UNC13C: variants seen among roughly 807,000 people sequenced by gnomAD.
UNC13C encodes protein unc-13 homolog C.
Under a neutral mutation model 245.4 loss-of-function variants are expected in UNC13C, and 174 were observed. The observed-to-expected ratio is 0.71, with a 90% CI of 0.63 to 0.80. The LOEUF (loss-of-function observed/expected upper bound fraction) is 0.80. Ranked by LOEUF, UNC13C falls within the 30% of genes least tolerant of loss-of-function variation. The pLI is 0.00. For synonymous variants in UNC13C, 992 were observed against 895.1 expected (o/e 1.11, Z -1.93); for missense variants, 2,829 against 2,602.9 (o/e 1.09, Z -1.89).
intron 10 of UNC13C, among the ~76,000 whole-genome samples, chr15:54,287,266 T>G (rs1419319217): frequency 6.6e-6 from 1 of 152,170 alleles, no homozygotes; most frequent in Non-Finnish European, 1.5e-5. Flanking sequence ...CCAGCTAAAA[T>G]GCAAACCTGT....
chr15:54,050,978 C>G, intron 2 of UNC13C: 3 of 494,422 alleles, frequency 6.1e-6, no homozygotes, highest in East Asian at 5.5e-5. Context: ...TACCAGTTAC[C>G]AAGAAGCCTC....
At chr15:54,022,154 C>T (rs997225264) in intron 2 of UNC13C, among the ~76,000 whole-genome samples, 2 of 152,118 alleles carry the variant, frequency 1.3e-5, no homozygotes, top group South Asian at 2.1e-4. Context: ...TTGAAGGAAC[C>T]TCCATAGTAT....
At chr15:54,187,752 T>A (rs1188735358) in intron 4 of UNC13C, among the ~76,000 whole-genome samples, 2 of 152,154 alleles carry the variant, frequency 1.3e-5, no homozygotes, top group Admixed American at 1.3e-4. Flanking sequence ...ATTAATAATG[T>A]CTTATCTGTT....
At chr15:53,996,302 C>T (rs777394250) in intron 1 of UNC13C, among the ~76,000 whole-genome samples, 25 of 152,174 alleles carry the variant, frequency 1.6e-4, no homozygotes, top group Non-Finnish European at 3.1e-4. Context: ...ATCAAGAAGA[C>T]GTTTCTGTAT....
At chr15:54,603,674 C>A (rs187586750) in intron 30 of UNC13C, among the ~76,000 whole-genome samples, 59 of 152,142 alleles carry the variant, frequency 3.9e-4, no homozygotes, top group African/African-American at 1.4e-3. Flanking sequence ...CTATCCTGGG[C>A]AACATGGTGA....
chr15:54,458,968 A>C (rs1003668406), intron 19 of UNC13C, among the ~76,000 whole-genome samples: 4 of 151,038 alleles, frequency 2.6e-5, no homozygotes, highest in Non-Finnish European at 5.9e-5. Context: ...TCTTTTTTTC[A>C]TTGTGTTATT....
chr15:54,606,605 G>A (rs765141575), intron 30 of UNC13C, among the ~76,000 whole-genome samples: 5 of 152,202 alleles, frequency 3.3e-5, no homozygotes, highest in Non-Finnish European at 7.3e-5. Context: ...TTTGCGTGCG[G>A]TGAACTAAGT....
chr15:54,126,907 A>G (rs1396079783), intron 2 of UNC13C, among the ~76,000 whole-genome samples: 2 of 152,230 alleles, frequency 1.3e-5, no homozygotes, highest in Non-Finnish European at 2.9e-5. Flanking sequence ...ATATGAACAG[A>G]CACTTCTCAA....
intron 28 of UNC13C, 115 bp downstream of exon 28, chr15:54,549,806 T>TCG (rs77251387): frequency 3.1e-6 from 2 of 639,026 alleles, no homozygotes; most frequent in Non-Finnish European, 5.2e-6. Flanking sequence ...AAGATGTGTG[T>TCG]GTGATTTCAC....
At chr15:54,454,748 T>C (rs1160090966) in intron 19 of UNC13C, among the ~76,000 whole-genome samples, 1 of 152,118 alleles carries the variant, frequency 6.6e-6, no homozygotes, top group Non-Finnish European at 1.5e-5. Flanking sequence ...GTTTTCAAGT[T>C]TCATCCACAG....
the UNC13C span, among the ~76,000 whole-genome samples, chr15:53,842,325 A>T: frequency 1.3e-5 from 2 of 152,220 alleles, no homozygotes; most frequent in Non-Finnish European, 2.9e-5. Context: ...TTACAGATAT[A>T]AAGTATCATT....
chr15:54,064,565 G>A (rs576459173), intron 2 of UNC13C, among the ~76,000 whole-genome samples: 4 of 152,300 alleles, frequency 2.6e-5, no homozygotes, highest in South Asian at 4.1e-4. Flanking sequence ...TGCTGCTAAC[G>A]TGAACCAGAA....
chr15:54,220,577 C>A (rs1310133950), intron 4 of UNC13C, among the ~76,000 whole-genome samples: 6 of 149,830 alleles, frequency 4.0e-5, no homozygotes, highest in Non-Finnish European at 8.9e-5. Flanking sequence ...GTACATGTAC[C>A]CTAAAACTTA....
At chr15:54,220,701 TTGTAAA>T (rs957892023) in intron 4 of UNC13C, among the ~76,000 whole-genome samples, 4 of 152,022 alleles carry the variant, frequency 2.6e-5, no homozygotes, top group African/African-American at 9.7e-5. Context: ...GCCTGCACAC[TTGTAAA>T]TGTAGTTAAA....
chr15:54,152,197 C>T (rs1017499874), intron 4 of UNC13C, among the ~76,000 whole-genome samples: 1 of 152,068 alleles, frequency 6.6e-6, no homozygotes, highest in Non-Finnish European at 1.5e-5. Flanking sequence ...TTTTCTCACT[C>T]CAGGGTCTAA....
In UNC13C at chr15:54,628,220, A is replaced by AAAC. The variant is rs1254278930; in HGVS notation, c.*1109_*1111dup. On this transcript the variant is annotated 3_prime_UTR_variant, in exon 33 of 33. Transcript: ENST00000260323. ...ATAGCTAAGTTGGTTTTTGAATATA[A>AAAC]AACAGTTTATGAATATGTGCATTTT... is the stretch of plus-strand genomic sequence containing the variant. 6.7e-6 allele frequency: 1 copy of AAAC among 150,166 alleles called. No homozygotes were observed. Among genetic ancestry groups the AAAC allele is most frequent in the Non-Finnish European group, 1.5e-5 (1 of 67,178 alleles). The allele number at this position is 150,166 out of a possible 1,614,324, so 9.3% of individuals were successfully genotyped here. A position where few individuals can be genotyped will look rare whatever the true frequency, so the allele number is the denominator to read the frequency against.
chr15:54,032,788 T>C (rs933108988), intron 2 of UNC13C, among the ~76,000 whole-genome samples: 3 of 152,216 alleles, frequency 2.0e-5, no homozygotes, highest in Non-Finnish European at 4.4e-5. Flanking sequence ...AACAGTACGC[T>C]GATATTAAAA....
intron 30 of UNC13C, among the ~76,000 whole-genome samples, chr15:54,613,579 T>C (rs1187671350): frequency 6.6e-6 from 1 of 151,950 alleles, no homozygotes; most frequent in Non-Finnish European, 1.5e-5. Context: ...TATAAAGACA[T>C]TCAAATGTAA....
chr15:54,023,239 G>A (rs377537398), intron 2 of UNC13C, among the ~76,000 whole-genome samples: 2 of 152,170 alleles, frequency 1.3e-5, no homozygotes, highest in Admixed American at 1.3e-4. Context: ...GCGAATTAAG[G>A]GTGTTGGTTG....
Sources: allele counts gnomAD v4.1 joint callset (sites outside exome capture counted in the v4.1 genomes callset), GRCh38; gene constraint gnomAD v4.1.1; transcripts MANE v1.5; gene names NCBI Gene and HGNC (gene_info 2026-07-23, HGNC 2026-07-21).